Variants in DISP1 observed in about 807,000 individuals in gnomAD.
The protein encoded by DISP1 is dispatched RND transporter family member 1.
In DISP1, 30 loss-of-function variants were observed where a neutral mutation model predicts 37.3. That is an observed-to-expected ratio of 0.80 (90% confidence interval 0.60 to 1.09). The LOEUF is 1.09. Ranked by LOEUF, DISP1 falls within the 50% of genes least tolerant of loss-of-function variation. DISP1 has a pLI of 0.00. For synonymous variants in DISP1, 634 were observed against 690.2 expected (o/e 0.92, Z 1.28); for missense variants, 1,598 against 1,879.5 (o/e 0.85, Z 2.77).
intron 3 of DISP1, among the ~76,000 whole-genome samples, chr1:222,973,070 T>A (rs1404993651): frequency 1.0e-5 from 1 of 95,496 alleles, no homozygotes; most frequent in African/African-American, 2.8e-5. Context: ...GTATGATCTT[T>A]GTATAATGTT....
chr1:222,952,843 A>AAAAAC (rs1422158618), intron 3 of DISP1, among the ~76,000 whole-genome samples: 2 of 151,786 alleles, frequency 1.3e-5, no homozygotes, highest in Non-Finnish European at 2.9e-5. Flanking sequence ...GAGACTGTCT[A>AAAAAC]AAAACAAAAC....
At chr1:222,952,292 A>G (rs1287015472) in intron 3 of DISP1, among the ~76,000 whole-genome samples, 2 of 152,226 alleles carry the variant, frequency 1.3e-5, no homozygotes, top group Non-Finnish European at 2.9e-5. Context: ...TAGTAGCTAC[A>G]TATTGGACAG....
intron 1 of DISP1, among the ~76,000 whole-genome samples, chr1:222,821,353 A>C (rs1262716049): frequency 1.3e-5 from 2 of 152,220 alleles, no homozygotes; most frequent in Non-Finnish European, 2.9e-5. Context: ...GCCAGCTCCA[A>C]AGATAATTGG....
chr1:222,881,704 G>A (rs1282069317), intron 1 of DISP1, among the ~76,000 whole-genome samples: 1 of 152,152 alleles, frequency 6.6e-6, no homozygotes, highest in Admixed American at 6.5e-5. Context: ...TGTAAAATTA[G>A]CAACATAATA....
intron 3 of DISP1, among the ~76,000 whole-genome samples, chr1:222,956,664 T>C (rs999312531): frequency 6.6e-6 from 1 of 152,116 alleles, no homozygotes; most frequent in African/African-American, 2.4e-5. Flanking sequence ...CTGACCTCCT[T>C]CTCCCAAAGC....
chr1:222,843,424 A>G (rs573233024), intron 1 of DISP1, among the ~76,000 whole-genome samples: 3 of 152,118 alleles, frequency 2.0e-5, no homozygotes, highest in Middle Eastern at 3.4e-3. Flanking sequence ...TTGCTAAACC[A>G]TTTCTTTATA....
intron 3 of DISP1, among the ~76,000 whole-genome samples, chr1:222,971,860 T>G (rs534873367): frequency 3.9e-5 from 6 of 152,242 alleles, no homozygotes; most frequent in African/African-American, 1.4e-4. Context: ...GTGGAAAGGT[T>G]TTAGTATTTT....
intron 1 of DISP1, among the ~76,000 whole-genome samples, chr1:222,816,072 AAT>A (rs68057775): frequency 0.01 from 1,488 of 144,094 alleles, 10 homozygotes; most frequent in East Asian, 0.034. Flanking sequence ...GCTGTAAGGA[AAT>A]ATATATATAT....
At chr1:222,927,881 A>G (rs74524887) in intron 1 of DISP1, among the ~76,000 whole-genome samples, 13,681 of 152,246 alleles carry the variant, frequency 0.09, 738 homozygotes, top group Non-Finnish European at 0.12. Context: ...GAAGAAAAAC[A>G]CTTAAAACTA....
intron 3 of DISP1, among the ~76,000 whole-genome samples, chr1:222,977,132 C>T (rs559491099): frequency 7.9e-5 from 12 of 152,208 alleles, no homozygotes; most frequent in African/African-American, 2.4e-4. Flanking sequence ...CAGGTTCAAG[C>T]GATTCTCCTG....
At chr1:222,873,191 C>A (rs568524948) in intron 1 of DISP1, among the ~76,000 whole-genome samples, 1 of 152,158 alleles carries the variant, frequency 6.6e-6, no homozygotes, top group South Asian at 2.1e-4. Context: ...GCTTTACTTC[C>A]AATTATGTGG....
At chr1:222,856,089 C>T (rs1424999009) in intron 1 of DISP1, among the ~76,000 whole-genome samples, 1 of 152,118 alleles carries the variant, frequency 6.6e-6, no homozygotes, top group Non-Finnish European at 1.5e-5. Flanking sequence ...TTATCGAGTT[C>T]AAATGGAAAA....
At chr1:222,924,568 T>C (rs1311947770) in intron 1 of DISP1, among the ~76,000 whole-genome samples, 1 of 152,186 alleles carries the variant, frequency 6.6e-6, no homozygotes, top group Non-Finnish European at 1.5e-5. Flanking sequence ...ATTTGTACTC[T>C]GGAAACATCA....
At chr1:222,950,337 C>G (rs1207003041) in intron 3 of DISP1, among the ~76,000 whole-genome samples, 1 of 152,168 alleles carries the variant, frequency 6.6e-6, no homozygotes, top group East Asian at 1.9e-4. Context: ...CGCAGTGGCT[C>G]ACGCTGTAAT....
rs560103037 is a variant in DISP1, at chr1:222,920,729, G to A, written c.-158-7701G>A. On this transcript the variant is annotated intron_variant, in intron 1 of 8. Coordinates refer to ENST00000675850, the MANE Select transcript of DISP1 (RefSeq NM_001377229.1). ...CATTAGTCAGACTTTTTTCTTCACAGAAAAATGAAAAACTACGTCTTCTCT... is the reference window on the plus strand; with the variant it reads ...CATTAGTCAGACTTTTTTCTTCACAAAAAAATGAAAAACTACGTCTTCTCT... Among the ~76,000 whole-genome samples the A allele has an allele frequency of 5.9e-5, 9 of 152,086 alleles. No individual in the cohort carries two copies. In the East Asian group the frequency reaches 1.7e-3, roughly 29 times the overall value.
intron 1 of DISP1, among the ~76,000 whole-genome samples, chr1:222,907,102 C>T (rs1270067099): frequency 6.6e-6 from 1 of 152,014 alleles, no homozygotes; most frequent in Non-Finnish European, 1.5e-5. Flanking sequence ...CATCGATTTG[C>T]AGAAAAGGAG....
At chr1:222,941,354 A>G (rs1167175043) in intron 2 of DISP1, among the ~76,000 whole-genome samples, 1 of 152,228 alleles carries the variant, frequency 6.6e-6, no homozygotes, top group African/African-American at 2.4e-5. Flanking sequence ...CTCAATGGTC[A>G]TTGTAAAAGG....
chr1:222,950,794 C>T (rs1449042102), intron 3 of DISP1, among the ~76,000 whole-genome samples: 1 of 152,200 alleles, frequency 6.6e-6, no homozygotes, highest in African/African-American at 2.4e-5. Flanking sequence ...TTGAGTTATT[C>T]ATTTGGGATC....
chr1:222,871,664 T>C (rs1400623596), intron 1 of DISP1, among the ~76,000 whole-genome samples: 5 of 152,382 alleles, frequency 3.3e-5, no homozygotes, highest in African/African-American at 1.2e-4. Context: ...CTGAAGTTGC[T>C]TATCAGCTTA....
Sources: allele counts gnomAD v4.1 joint callset (sites outside exome capture counted in the v4.1 genomes callset), GRCh38; gene constraint gnomAD v4.1.1; transcripts MANE v1.5; gene names NCBI Gene and HGNC (gene_info 2026-07-23, HGNC 2026-07-21).